The following SCN11A variants were observed in gnomAD, a reference collection of about 807,000 sequenced individuals.
The protein encoded by SCN11A is sodium channel protein type 11 subunit alpha.
A neutral mutation model predicts 162.2 loss-of-function variants in SCN11A; 122 were observed. The observed-to-expected ratio is 0.75, with a 90% CI of 0.65 to 0.87. The LOEUF (loss-of-function observed/expected upper bound fraction) is 0.87. Ranked by LOEUF, SCN11A falls within the 40% of genes least tolerant of loss-of-function variation. The pLI is 0.00. For missense variants in SCN11A, 2,015 were observed against 2,181.6 expected (o/e 0.92, Z 1.52); for synonymous variants, 758 against 751.5 (o/e 1.01, Z -0.14).
At position 38,847,228 on chromosome 3, in the gene SCN11A, A is replaced by G. The variant is rs984379131; in HGVS notation, c.4842T>C (p.Ser1614=). The stretch of plus-strand genomic sequence containing the variant: ...AGTCATCTTCACCCAAAGGGTCCTC[A>G]CTTTCTTCAGTGGCTGTATTGAAGT... ...LENFNTATEE[S]EDPLGEDDFD... is the part of the protein sequence containing the mutation. The change falls in exon 30 of 30, where the codon AGT becomes AGC. Residue 1614 remains serine, a synonymous_variant. Coordinates refer to ENST00000302328, the MANE Select transcript of SCN11A (RefSeq NM_001349253.2). 1.3e-5 allele frequency: 21 copies of G among 1,614,062 alleles called. No individual in the cohort carries two copies. Among genetic ancestry groups the G allele is most frequent in the Non-Finnish European group, 1.7e-5 (20 of 1,179,964 alleles).
intron 13 of SCN11A, among the ~76,000 whole-genome samples, chr3:38,908,527 G>A (rs967250887): frequency 6.6e-6 from 1 of 152,144 alleles, no homozygotes; most frequent in African/African-American, 2.4e-5. Flanking sequence ...ACTTGAGCTG[G>A]AAGAATGTAA....
intron 2 of SCN11A, among the ~76,000 whole-genome samples, chr3:38,979,465 C>A (rs1209326323): frequency 6.6e-6 from 1 of 152,182 alleles, no homozygotes; most frequent in African/African-American, 2.4e-5. Context: ...CTTCTGAGTC[C>A]TCCAGATACT....
At chr3:39,047,946 A>C (rs2032225689) in intron 1 of SCN11A, among the ~76,000 whole-genome samples, 1 of 152,242 alleles carries the variant, frequency 6.6e-6, no homozygotes, top group Non-Finnish European at 1.5e-5. Context: ...TAGTTCAACC[A>C]TTATGGAAAA....
At chr3:39,014,787 A>G (rs2125604208) in intron 2 of SCN11A, among the ~76,000 whole-genome samples, 1 of 152,356 alleles carries the variant, frequency 6.6e-6, no homozygotes, top group Admixed American at 6.5e-5. Context: ...CATATTCAGA[A>G]AAAAAATTCA....
intron 1 of SCN11A, among the ~76,000 whole-genome samples, chr3:39,050,984 T>A (rs184839064): frequency 5.4e-4 from 82 of 152,278 alleles, no homozygotes; most frequent in African/African-American, 1.9e-3. Context: ...TCAGCTCTTA[T>A]AATTAGTGGT....
At chr3:38,925,385 G>A (rs1437767833) in intron 9 of SCN11A, 30 bp downstream of exon 9, 1 of 1,383,202 alleles carries the variant, frequency 7.2e-7, no homozygotes, top group Non-Finnish European at 1.0e-6. Context: ...TTCTAGATAG[G>A]AGCCAGTGTG....
rs2065280606 is a variant in SCN11A, at chr3:38,879,957, A to G, written c.3386T>C (p.Ile1129Thr). The change falls in exon 23 of 30, where the codon ATT becomes ACT. Residue 1129 changes from isoleucine to threonine, a missense_variant. By Grantham distance (89) the Ile-to-Thr change is moderately conservative (BLOSUM62 -1). Coordinates refer to ENST00000302328, the MANE Select transcript of SCN11A (RefSeq NM_001349253.2). Reference protein sequence around the residue: ...TSAWCCLDFIIVIVSVTTLIN... With the variant: ...TSAWCCLDFITVIVSVTTLIN... ...CAGAGATGGTAAACTTACAATCACA[A>G]TGATGAAATCAAGGCAGCACCAGGC... 1.9e-6 allele frequency: 3 copies of G among 1,612,268 alleles called. No individual in the cohort carries two copies. Among genetic ancestry groups the G allele is most frequent in the African/African-American group, 1.3e-5 (1 of 74,874 alleles).
rs1224321638 is a variant in SCN11A, at chr3:38,950,244, G to C, written c.119C>G (p.Ser40Cys). Residue 40 changes from serine to cysteine, a missense_variant, in exon 5 of 30, where the codon TCT becomes TGT. By Grantham distance (112) the Ser-to-Cys change is moderately radical (BLOSUM62 -1). Coordinates refer to ENST00000302328, the MANE Select transcript of SCN11A (RefSeq NM_001349253.2). The part of the protein sequence containing the change: ...RIAIQKEKKK[S>C]KDQTGEVPQP... ...GGGTACTTCTCCTGTCTGGTCTTTA[G>C]ACTTCTTTTTCTCCTTTTGGATGGC... is the stretch of plus-strand genomic sequence containing the variant. 2 of 1,614,042 alleles carry C rather than the reference G, an allele frequency of 1.2e-6. No individual in the cohort carries two copies. Among genetic ancestry groups the C allele is most frequent in the Non-Finnish European group, 8.5e-7 (1 of 1,180,026 alleles).
At chr3:38,950,601 T>C (rs564570684) in intron 4 of SCN11A, 21 of 515,586 alleles carry the variant, frequency 4.1e-5, no homozygotes, top group African/African-American at 4.0e-4. Context: ...GCATCATTCC[T>C]GGAGGACCTG....
At chr3:38,983,535 A>G (rs1444540976) in intron 2 of SCN11A, among the ~76,000 whole-genome samples, 2 of 152,196 alleles carry the variant, frequency 1.3e-5, no homozygotes, top group Non-Finnish European at 2.9e-5. Context: ...CTCAAGACAA[A>G]CAAGGACCCT....
chr3:38,856,122 T>C (rs999628456), intron 28 of SCN11A, among the ~76,000 whole-genome samples: 1 of 152,146 alleles, frequency 6.6e-6, no homozygotes, highest in African/African-American at 2.4e-5. Context: ...AGAAACACAA[T>C]TGCAGTGCTG....
intron 1 of SCN11A, among the ~76,000 whole-genome samples, chr3:39,044,597 G>A (rs1192461457): frequency 2.0e-5 from 3 of 151,702 alleles, no homozygotes; most frequent in Non-Finnish European, 2.9e-5. Context: ...AAATTAAGAA[G>A]GACATTTAAA....
At chr3:38,886,732 G>A (rs1454021568) in intron 19 of SCN11A, among the ~76,000 whole-genome samples, 1 of 147,944 alleles carries the variant, frequency 6.8e-6, no homozygotes, top group African/African-American at 2.6e-5. Context: ...ATCATGTGGG[G>A]TACAGAGAGT....
At position 39,022,291 on chromosome 3, in the gene SCN11A, A is replaced by G. The variant is rs572753280; in HGVS notation, c.-280+10089T>C. On this transcript the variant is annotated intron_variant, in intron 2 of 29. Transcript: ENST00000302328. Reference sequence around the variant, plus strand: ...CATAAATATTCATGACTTTTCCTATAGCTTAATAAATATGTATATTTGGCC... The same window carrying G: ...CATAAATATTCATGACTTTTCCTATGGCTTAATAAATATGTATATTTGGCC... 1.1e-3 allele frequency among the ~76,000 whole-genome samples: 172 copies of G among 152,212 alleles called. 2 individuals are homozygous for G. In the South Asian group the frequency reaches 0.035, roughly 31 times the overall value.
chr3:38,950,709 C>T (rs774609621), intron 4 of SCN11A: 5 of 276,114 alleles, frequency 1.8e-5, no homozygotes, highest in Admixed American at 4.7e-5. Flanking sequence ...AAGGCTGAGC[C>T]GGCTGAACTG....
chr3:38,930,478 G>C (rs1052563287), intron 7 of SCN11A, among the ~76,000 whole-genome samples: 3 of 152,162 alleles, frequency 2.0e-5, no homozygotes, highest in Non-Finnish European at 4.4e-5. Context: ...AGTTTAAAAA[G>C]GCAACATCTT....
At chr3:39,022,330 T>G (rs1036918523) in intron 2 of SCN11A, among the ~76,000 whole-genome samples, 2 of 152,178 alleles carry the variant, frequency 1.3e-5, no homozygotes, top group East Asian at 1.9e-4. Context: ...GTGCTACACA[T>G]AAATTTCTGC....
At position 39,025,087 on chromosome 3, in the gene SCN11A, A is replaced by C. The variant is rs189677198; in HGVS notation, c.-280+7293T>G. Among the ~76,000 whole-genome samples the C allele has an allele frequency of 2.6e-5, 4 of 152,290 alleles. No individual in the cohort carries two copies. The South Asian group carries it at 8.3e-4, about 32-fold the overall frequency. On this transcript the variant is annotated intron_variant, in intron 2 of 29. Coordinates refer to ENST00000302328, the MANE Select transcript of SCN11A (RefSeq NM_001349253.2). ...AAGGTTGGAGGAAGTTTGGAGTAAC[A>C]GCTTGCTTTGGATAAAGGGAGTTCT...
intron 28 of SCN11A, among the ~76,000 whole-genome samples, chr3:38,858,961 T>A (rs955199598): frequency 3.3e-5 from 5 of 152,024 alleles, no homozygotes; most frequent in Admixed American, 2.6e-4. Context: ...AATTTAAAAA[T>A]TCTTTGAACT....
Sources: gnomAD v4.1 joint callset for allele counts (sites outside exome capture counted in the v4.1 genomes callset) on GRCh38, gnomAD v4.1.1 for gene constraint, MANE v1.5 for transcripts, NCBI Gene and HGNC (gene_info 2026-07-23, HGNC 2026-07-21) for gene names.